The following NR3C2 variants were observed in gnomAD, a reference collection of about 807,000 sequenced individuals.
The protein encoded by NR3C2 is mineralocorticoid receptor.
In NR3C2, 15 loss-of-function variants were observed where a neutral mutation model predicts 86.4. The observed-to-expected ratio is 0.17, with a 90% CI of 0.12 to 0.27. The LOEUF is 0.27. Ranked by LOEUF, NR3C2 falls within the 10% of genes least tolerant of loss-of-function variation. The pLI, the probability that NR3C2 is intolerant of heterozygous loss-of-function variation, is 1.00. For missense variants in NR3C2, 960 were observed against 1,195.6 expected (o/e 0.80, Z 2.91); for synonymous variants, 458 against 450.5 (o/e 1.02, Z -0.21).
intron 3 of NR3C2, among the ~76,000 whole-genome samples, chr4:148,244,706 A>T (rs1257810780): frequency 6.6e-6 from 1 of 152,210 alleles, no homozygotes; most frequent in African/African-American, 2.4e-5. Context: ...GTATTTTTTT[A>T]AAATCAATTA....
At chr4:148,197,658 T>G (rs920985058) in intron 3 of NR3C2, among the ~76,000 whole-genome samples, 1 of 152,102 alleles carries the variant, frequency 6.6e-6, no homozygotes, top group Non-Finnish European at 1.5e-5. Flanking sequence ...AAAATACCCT[T>G]CAAAAATTTG....
intron 3 of NR3C2, among the ~76,000 whole-genome samples, chr4:148,213,174 A>G (rs1313611800): frequency 1.3e-5 from 2 of 151,746 alleles, no homozygotes; most frequent in Non-Finnish European, 2.9e-5. Flanking sequence ...CTTCTCTAGG[A>G]GGAGTCACAG....
At chr4:148,156,382 C>A (rs1734387416) in intron 4 of NR3C2, among the ~76,000 whole-genome samples, 1 of 151,690 alleles carries the variant, frequency 6.6e-6, no homozygotes, top group Non-Finnish European at 1.5e-5. Flanking sequence ...GGGCTAATAT[C>A]CAGAATCTAC....
At chr4:148,104,463 C>T (rs530795311) in intron 8 of NR3C2, among the ~76,000 whole-genome samples, 3 of 150,936 alleles carry the variant, frequency 2.0e-5, no homozygotes, top group African/African-American at 7.3e-5. Context: ...TTACTTAGAG[C>T]CTTCTTAGTC....
chr4:148,230,118 T>C (rs993419809), intron 3 of NR3C2, among the ~76,000 whole-genome samples: 7 of 152,194 alleles, frequency 4.6e-5, no homozygotes, highest in African/African-American at 1.4e-4. Flanking sequence ...TAAGCTCTAG[T>C]ACTAGAAATT....
chr4:148,432,324 T>C (rs1048039647), intron 2 of NR3C2, among the ~76,000 whole-genome samples: 16 of 152,158 alleles, frequency 1.1e-4, no homozygotes, highest in Admixed American at 2.6e-4. Context: ...TTTCAGATAA[T>C]TGTAGATATG....
chr4:148,232,116 T>C (rs1361822041), intron 3 of NR3C2, among the ~76,000 whole-genome samples: 2 of 152,230 alleles, frequency 1.3e-5, no homozygotes, highest in Non-Finnish European at 2.9e-5. Flanking sequence ...TTAATGTTGA[T>C]ATTTTGACCT....
upstream of NR3C2, chr4:148,442,719 T>A: frequency 1.0e-6 from 1 of 985,320 alleles, no homozygotes; most frequent in African/African-American, 1.7e-5. Flanking sequence ...CTCGGCAGCT[T>A]CCTTAAAGCC....
intron 8 of NR3C2, among the ~76,000 whole-genome samples, chr4:148,100,588 G>T (rs182418042): frequency 2.6e-5 from 4 of 152,322 alleles, no homozygotes; most frequent in Admixed American, 2.0e-4. Flanking sequence ...TCACAAGGAT[G>T]TGGAGAAATT....
intron 3 of NR3C2, among the ~76,000 whole-genome samples, chr4:148,218,350 A>G (rs1444332634): frequency 6.6e-6 from 1 of 152,218 alleles, no homozygotes; most frequent in Non-Finnish European, 1.5e-5. Flanking sequence ...CTATCATATA[A>G]ATGATGAAGG....
chr4:148,329,523 C>CT (rs1462942067), intron 2 of NR3C2, among the ~76,000 whole-genome samples: 6 of 152,052 alleles, frequency 3.9e-5, no homozygotes, highest in Non-Finnish European at 8.8e-5. Context: ...CTTCACTGCC[C>CT]TTTTTTCCAC....
At chr4:148,277,144 A>T (rs1741000159) in intron 2 of NR3C2, among the ~76,000 whole-genome samples, 2 of 152,232 alleles carry the variant, frequency 1.3e-5, no homozygotes, top group South Asian at 4.1e-4. Flanking sequence ...GAAGATCGAG[A>T]TCATCTTTTT....
chr4:148,237,303 G>A (rs1221093992), intron 3 of NR3C2, among the ~76,000 whole-genome samples: 1 of 152,126 alleles, frequency 6.6e-6, no homozygotes, highest in African/African-American at 2.4e-5. Flanking sequence ...TTTGATTACT[G>A]AGTAACTTAA....
intron 2 of NR3C2, among the ~76,000 whole-genome samples, chr4:148,325,583 C>T (rs1047466387): frequency 6.6e-6 from 1 of 152,184 alleles, no homozygotes; most frequent in Non-Finnish European, 1.5e-5. Flanking sequence ...GTATTTCATA[C>T]ATGTGATTAT....
chr4:148,312,719 T>A (rs1418590973), intron 2 of NR3C2, among the ~76,000 whole-genome samples: 2 of 152,176 alleles, frequency 1.3e-5, no homozygotes, highest in African/African-American at 4.8e-5. Context: ...CAAATAAATG[T>A]CTCATAAAAT....
Position 148,261,340 on chromosome 4 carries a change from C to T in NR3C2, c.1758-1223G>A, listed in dbSNP as rs1312149420. The stretch of plus-strand genomic sequence containing the variant: ...AAGCGCTATGGTGCGCTATGGTAAG[C>T]CCTATGGTGCGCTATGGTAAGCGCT... On this transcript the variant is annotated intron_variant, in intron 2 of 8. Transcript: ENST00000358102. Among the ~76,000 whole-genome samples the T allele has an allele frequency of 4.0e-5, 6 of 149,458 alleles. No individual in the cohort carries two copies. In the East Asian group the frequency reaches 9.9e-4, roughly 25 times the overall value.
chr4:148,248,926 T>C (rs1739444007), intron 3 of NR3C2, among the ~76,000 whole-genome samples: 2 of 152,338 alleles, frequency 1.3e-5, no homozygotes, highest in South Asian at 4.1e-4. Flanking sequence ...TTAATTTTTA[T>C]CTTTCTAACT....
At chr4:148,234,453 C>T (rs190863230) in intron 3 of NR3C2, among the ~76,000 whole-genome samples, 400 of 152,054 alleles carry the variant, frequency 2.6e-3, no homozygotes, top group Middle Eastern at 0.02. Context: ...GGGCAGATCA[C>T]GAGGTCAGGA....
chr4:148,310,950 C>A (rs1379919598), intron 2 of NR3C2, among the ~76,000 whole-genome samples: 2 of 152,088 alleles, frequency 1.3e-5, no homozygotes, highest in South Asian at 2.1e-4. Flanking sequence ...AGCACGGTCA[C>A]CAGAGACCTT....
Sources: allele counts gnomAD v4.1 joint callset (sites outside exome capture counted in the v4.1 genomes callset), GRCh38; gene constraint gnomAD v4.1.1; transcripts MANE v1.5; gene names NCBI Gene and HGNC (gene_info 2026-07-23, HGNC 2026-07-21).